The following CCDC33 variants were observed in gnomAD, a reference collection of about 807,000 sequenced individuals.
CCDC33 encodes coiled-coil domain containing 33, also known as coiled-coil domain-containing protein 33.
In CCDC33, 94 loss-of-function variants were observed where a neutral mutation model predicts 91.9. That is an observed-to-expected ratio of 1.02 (90% CI 0.87 to 1.21). CCDC33 has a LOEUF of 1.21. CCDC33 is among the 50% of genes most tolerant of loss of function. The pLI, the probability that CCDC33 is intolerant of heterozygous loss-of-function variation, is 0.00. For synonymous variants in CCDC33, 396 were observed against 374.5 expected, an observed-to-expected ratio of 1.06 and a Z score of -0.66; for missense variants, 940 against 935.5, an observed-to-expected ratio of 1.00 and a Z score of -0.06.
intron 2 of CCDC33, among the ~76,000 whole-genome samples, chr15:74,247,328 T>C (rs556912977): frequency 1.3e-5 from 2 of 151,158 alleles, no homozygotes; most frequent in African/African-American, 4.9e-5. Flanking sequence ...AAGTGTTTGT[T>C]GATGAATGAA....
At chr15:74,227,790 A>C (rs2074848139) in intron 2 of CCDC33, among the ~76,000 whole-genome samples, 1 of 152,170 alleles carries the variant, frequency 6.6e-6, no homozygotes, top group South Asian at 2.1e-4. Context: ...TTCCTGAGCA[A>C]GTCATTTTAC....
intron 1 of CCDC33, among the ~76,000 whole-genome samples, chr15:74,205,082 A>G (rs1480968322): frequency 6.6e-6 from 1 of 152,192 alleles, no homozygotes; most frequent in Non-Finnish European, 1.5e-5. Flanking sequence ...CTTAGGGGAG[A>G]CAACACCAGA....
At position 74,241,082 on chromosome 15, in the gene CCDC33, C is replaced by T. The variant is rs1168181320; in HGVS notation, c.22-2903C>T. 2.6e-5 allele frequency among the ~76,000 whole-genome samples: 4 copies of T among 152,304 alleles called. No individual in the cohort carries two copies. The East Asian group carries it at 7.8e-4, about 30-fold the overall frequency. ...CTGCTCCTCCTCCTTCACCTCCAGGCAGGGGCATCTTCCCCTCCCCTCATT... is the reference window on the plus strand; with the variant it reads ...CTGCTCCTCCTCCTTCACCTCCAGGTAGGGGCATCTTCCCCTCCCCTCATT... On this transcript the variant is annotated intron_variant, in intron 1 of 18. Coordinates refer to ENST00000398814, the MANE Select transcript of CCDC33 (RefSeq NM_025055.5).
intron 11 of CCDC33, chr15:74,302,161 G>C (rs1319062369): frequency 1.3e-5 from 2 of 148,946 alleles, no homozygotes; most frequent in African/African-American, 5.0e-5. Flanking sequence ...TTCCTTTCTT[G>C]AGTCTGCTGG....
At chr15:74,286,506 G>T (rs911921440) in intron 10 of CCDC33, among the ~76,000 whole-genome samples, 1 of 152,162 alleles carries the variant, frequency 6.6e-6, no homozygotes, top group Admixed American at 6.5e-5. Context: ...GGCCCACACT[G>T]CCCAGGTTTC....
At chr15:74,283,797 C>CACACAG (rs1461100709) in intron 10 of CCDC33, among the ~76,000 whole-genome samples, 2 of 150,556 alleles carry the variant, frequency 1.3e-5, no homozygotes, top group African/African-American at 4.9e-5. Context: ...CAAGAATTCA[C>CACACAG]ACACACACAC....
At chr15:74,336,416 G>T (rs772092563), downstream of CCDC33, 28 of 1,306,506 alleles carry the variant, frequency 2.1e-5, no homozygotes, top group Non-Finnish European at 2.5e-5. Context: ...TACGAGGGAG[G>T]CTTGTCCTTT....
At chr15:74,247,236 G>A (rs2075560875) in intron 2 of CCDC33, among the ~76,000 whole-genome samples, 2 of 152,052 alleles carry the variant, frequency 1.3e-5, no homozygotes, top group African/African-American at 4.8e-5. Flanking sequence ...TGGAGGCTGA[G>A]GCAGGTGGAT....
At chr15:74,322,300 G>A (rs1367556327) in intron 11 of CCDC33, among the ~76,000 whole-genome samples, 1 of 152,254 alleles carries the variant, frequency 6.6e-6, no homozygotes, top group Non-Finnish European at 1.5e-5. Flanking sequence ...CGACCTACGG[G>A]CAGGGGCGGG....
intron 11 of CCDC33, chr15:74,301,236 G>C (rs144589570): frequency 6.6e-6 from 1 of 152,354 alleles, no homozygotes; most frequent in African/African-American, 2.4e-5. Flanking sequence ...CCTGACGCCA[G>C]GAGGGGAGCA....
chr15:74,335,366 C>G (rs1380676891), intron 18 of CCDC33: 1 of 595,772 alleles, frequency 1.7e-6, no homozygotes, highest in Non-Finnish European at 3.0e-6. Context: ...ATGAGGGGTC[C>G]ATGCAGGCAT....
intron 11 of CCDC33, among the ~76,000 whole-genome samples, chr15:74,321,054 A>C (rs1469915367): frequency 6.6e-6 from 1 of 151,844 alleles, no homozygotes; most frequent in Non-Finnish European, 1.5e-5. Flanking sequence ...CCCTGGGAAA[A>C]CACTAGTCCC....
Position 74,242,177 on chromosome 15 carries a change from A to G in CCDC33, c.22-1808A>G, listed in dbSNP as rs528676988. 1.5e-3 allele frequency among the ~76,000 whole-genome samples: 226 copies of G among 152,362 alleles called. 1 individual carries two copies. The highest frequency in any genetic ancestry group is 2.6e-3 in the Non-Finnish European group (177 of 68,026). On this transcript the variant is annotated intron_variant, in intron 1 of 18. Coordinates refer to ENST00000398814, the MANE Select transcript of CCDC33 (RefSeq NM_025055.5). ...CCAAGGCTCAAGGTAGGAGCAGAGC[A>G]GCTTCCAGATAGGTCGGTCCAAGTC...
chr15:74,255,522 G>A (rs1032442984), intron 2 of CCDC33, among the ~76,000 whole-genome samples: 2 of 152,256 alleles, frequency 1.3e-5, no homozygotes, highest in African/African-American at 2.4e-5. Flanking sequence ...GAGCTAGTGG[G>A]CATGGCCCCC....
intron 1 of CCDC33, chr15:74,209,094 A>G (rs1469684267): frequency 1.6e-6 from 2 of 1,286,304 alleles, no homozygotes; most frequent in Admixed American, 7.5e-5. Flanking sequence ...CTGCCCTCAC[A>G]GACCTCCCGC....
intron 11 of CCDC33, among the ~76,000 whole-genome samples, chr15:74,307,737 A>AG (rs5813757): frequency 0.96 from 146,432 of 151,900 alleles, 70,795 homozygotes; most frequent in Non-Finnish European, 1. Context: ...TCCAAACCCC[A>AG]GTAATCAAAA....
chr15:74,271,844 G>C (rs2076326894), intron 6 of CCDC33, 50 bp downstream of exon 6: 2 of 1,501,768 alleles, frequency 1.3e-6, no homozygotes. Flanking sequence ...GCAGAGGGCA[G>C]AGGAGGGGGT....
chr15:74,279,977 G>C lies in CCDC33; in HGVS notation c.774G>C (p.Gly258=), dbSNP rs185714663. Residue 258 remains glycine, a synonymous_variant, in exon 8 of 19, where the codon GGG becomes GGC. Transcript: ENST00000398814. ...QNGCPQLSKP[G]GPPEQPLWNQ... is the part of the protein sequence containing the mutation. Reference sequence around the variant, plus strand: ...TCTCCCTCCAGCTGTCCAAGCCTGGGGGACCCCCAGAGCAGCCCCTGTGGA... The same window carrying C: ...TCTCCCTCCAGCTGTCCAAGCCTGGCGGACCCCCAGAGCAGCCCCTGTGGA... 2 of 1,614,024 alleles carry C rather than the reference G, an allele frequency of 1.2e-6. No individual in the cohort carries two copies. Among genetic ancestry groups the C allele is most frequent in the East Asian group, 2.2e-5 (1 of 44,884 alleles).
At chr15:74,262,249 C>G (rs549922627) in intron 2 of CCDC33, among the ~76,000 whole-genome samples, 191 bp from the exon 3 acceptor site, 4 of 152,168 alleles carry the variant, frequency 2.6e-5, no homozygotes, top group Non-Finnish European at 4.4e-5. Context: ...GCCAGCGAGA[C>G]AGTGTGGTCA....
Sources: gnomAD v4.1 joint callset for allele counts (sites outside exome capture counted in the v4.1 genomes callset) on GRCh38, gnomAD v4.1.1 for gene constraint, MANE v1.5 for transcripts, NCBI Gene and HGNC (gene_info 2026-07-23, HGNC 2026-07-21) for gene names.